YTHDC1: variants seen among roughly 807,000 people sequenced by gnomAD.
YTHDC1 encodes the protein YTH domain-containing protein 1.
Under a neutral mutation model 107.0 loss-of-function variants are expected in YTHDC1, and 12 were observed. The observed-to-expected ratio is 0.11, with a 90% CI of 0.07 to 0.18. The LOEUF is 0.18. Among genes scored for constraint, YTHDC1 ranks in the 10% least tolerant of loss-of-function variants. YTHDC1 has a pLI of 1.00. For missense variants in YTHDC1, 635 were observed against 898.8 expected (o/e 0.71, Z 3.75); for synonymous variants, 280 against 289.5 (o/e 0.97, Z 0.33).
In YTHDC1 at chr4:68,350,003, A is replaced by G. The variant is rs1400834826; in HGVS notation, c.-250T>C. The G allele has an allele frequency of 1.7e-6, 1 of 580,822 alleles. No individual in the cohort carries two copies. The highest frequency in any genetic ancestry group is 1.9e-5 in the African/African-American group (1 of 52,418). The allele number at this position is 580,822 out of a possible 1,614,324, so 36.0% of individuals were successfully genotyped here. ...GTTAGGGCTCAGACTCGGGCTAGGT[A>G]TGGGGGAGGGAAGGGAAACAGATGG... On this transcript the variant is annotated 5_prime_UTR_variant, in exon 1 of 17. Transcript: ENST00000344157.
In YTHDC1 at chr4:68,350,006, G is replaced by A. The variant is rs1397200770; in HGVS notation, c.-253C>T. On this transcript the variant is annotated 5_prime_UTR_variant, in exon 1 of 17. Transcript: ENST00000344157. ...AGGGCTCAGACTCGGGCTAGGTATG[G>A]GGGAGGGAAGGGAAACAGATGGCGA... 9 of 580,426 alleles carry A rather than the reference G, an allele frequency of 1.6e-5. No individual in the cohort carries two copies. The highest frequency in any genetic ancestry group is 3.1e-5 in the Admixed American group (1 of 32,250). 36.0% of individuals were successfully genotyped at this position (580,426 alleles called of 1,614,324 possible). A position where few individuals can be genotyped will look rare whatever the true frequency, so the allele number is the denominator to read the frequency against.
intron 10 of YTHDC1, 61 bp downstream of exon 10, chr4:68,324,078 A>T: frequency 1.4e-6 from 2 of 1,450,452 alleles, no homozygotes; most frequent in Non-Finnish European, 1.9e-6. Flanking sequence ...ATACATCAAT[A>T]AAGATCTCTA....
intron 11 of YTHDC1, 61 bp from the exon 12 acceptor site, chr4:68,320,266 G>T (rs946062533): frequency 6.3e-6 from 8 of 1,267,500 alleles, no homozygotes; most frequent in Non-Finnish European, 8.9e-6. Context: ...AAAGAGTAAA[G>T]CAAGAGTTTC....
At chr4:68,327,606 A>G (rs1723139149) in intron 9 of YTHDC1, among the ~76,000 whole-genome samples, 2 of 152,192 alleles carry the variant, frequency 1.3e-5, no homozygotes, top group South Asian at 2.1e-4. Flanking sequence ...AAGTCTAGTT[A>G]TTATTATATC....
Position 68,330,132 on chromosome 4 carries a change from TATC to T in YTHDC1, c.1232-16_1232-14del, listed in dbSNP as rs1215281241. On this transcript the variant is annotated splice_polypyrimidine_tract_variant and intron_variant, in intron 8 of 16. Transcript: ENST00000344157. ...AGTCTTGCAAACCCTAAGAGAATCATATCATAATATAATATGTAGATGCTAATA... is the reference window on the plus strand; with the variant it reads ...AGTCTTGCAAACCCTAAGAGAATCATATAATATAATATGTAGATGCTAATA... The T allele has an allele frequency of 8.7e-6, 14 of 1,600,748 alleles. 1 individual carries two copies. Among genetic ancestry groups the T allele is most frequent in the Non-Finnish European group, 1.1e-5 (13 of 1,169,356 alleles).
intron 1 of YTHDC1, among the ~76,000 whole-genome samples, chr4:68,348,220 A>G (rs1725663671): frequency 6.6e-6 from 1 of 152,198 alleles, no homozygotes. Context: ...CGACTTGTAA[A>G]TATTTTCATC....
intron 1 of YTHDC1, among the ~76,000 whole-genome samples, chr4:68,344,407 T>TG (rs1725189130): frequency 6.6e-6 from 1 of 152,182 alleles, no homozygotes. Flanking sequence ...TATAATACTT[T>TG]GGGAAAGAGG....
rs148548961 is a variant in YTHDC1, at chr4:68,315,302, T to G, written c.1960-979A>C. 2.0e-5 allele frequency among the ~76,000 whole-genome samples: 3 copies of G among 152,318 alleles called. No homozygotes were observed. The East Asian group carries it at 5.8e-4, about 29-fold the overall frequency. On this transcript the variant is annotated intron_variant, in intron 16 of 16. Coordinates refer to ENST00000344157, the MANE Select transcript of YTHDC1 (RefSeq NM_001031732.4). Reference sequence around the variant, plus strand: ...AGAATGTTAGAAGTCATGATAAGATTTGATTTAGAGAAAATTACTATCTTT... The same window carrying G: ...AGAATGTTAGAAGTCATGATAAGATGTGATTTAGAGAAAATTACTATCTTT...
chr4:68,331,058 G>A (rs1723525030), intron 7 of YTHDC1, among the ~76,000 whole-genome samples: 1 of 152,052 alleles, frequency 6.6e-6, no homozygotes, highest in Non-Finnish European at 1.5e-5. Context: ...GGATGCTCAA[G>A]TCCCTTATAT....
chr4:68,323,015 C>A (rs1265070143), intron 10 of YTHDC1, 100 bp from the exon 11 acceptor site: 1 of 1,161,992 alleles, frequency 8.6e-7, no homozygotes, highest in Admixed American at 2.4e-5. Flanking sequence ...TGGAAGCTTT[C>A]TTCCCAAGGC....
intron 1 of YTHDC1, among the ~76,000 whole-genome samples, chr4:68,342,881 T>C (rs1725000993): frequency 8.6e-6 from 1 of 116,956 alleles, no homozygotes; most frequent in Non-Finnish European, 1.8e-5. Flanking sequence ...TAATATCCAC[T>C]AGTTCTAGGT....
rs1722505463 is a variant in YTHDC1, at chr4:68,322,122, ATT to A, written c.1601+625_1601+626del. Among the ~76,000 whole-genome samples, 1 of 152,196 alleles carries A rather than the reference ATT, an allele frequency of 6.6e-6. No homozygotes were observed. Among genetic ancestry groups the A allele is most frequent in the Admixed American group, 6.5e-5 (1 of 15,284 alleles). ...ACTTGATCCCCTTTGGAAAGAACCT[ATT>A]GTTTTCAGAAGCTCAGCAAGATGTG... On this transcript the variant is annotated intron_variant, in intron 11 of 16. Transcript: ENST00000344157. This position sits in a 1 kb window ranked among gnomAD's most constrained non-coding sequence, Gnocchi z 4.8.
rs772306723 is a variant in YTHDC1, at chr4:68,330,189, T to C, written c.1231+13A>G. The C allele has an allele frequency of 1.8e-5, 29 of 1,581,096 alleles. No homozygotes were observed. Among genetic ancestry groups the C allele is most frequent in the Non-Finnish European group, 6.0e-6 (7 of 1,159,784 alleles). The stretch of plus-strand genomic sequence containing the variant: ...TTAATGTTTTTATATGTCCAAATTA[T>C]TTTTATTCTTACCTTGAAATTTTCC... On this transcript the variant is annotated intron_variant, in intron 8 of 16. Transcript: ENST00000344157.
At chr4:68,330,141 A>C in intron 8 of YTHDC1, 22 bp from the exon 9 acceptor site, 1 of 1,596,264 alleles carries the variant, frequency 6.3e-7, no homozygotes, top group Middle Eastern at 1.7e-4. Context: ...ATATCATAAT[A>C]TAATATGTAG....
intron 1 of YTHDC1, among the ~76,000 whole-genome samples, chr4:68,348,538 A>C (rs1414011773): frequency 2.0e-5 from 3 of 152,092 alleles, no homozygotes; most frequent in Admixed American, 6.5e-5. Flanking sequence ...TGGAACATTA[A>C]ACTGCTATAA....
intron 9 of YTHDC1, among the ~76,000 whole-genome samples, chr4:68,327,716 T>G (rs1723150451): frequency 6.6e-6 from 1 of 152,172 alleles, no homozygotes; most frequent in Admixed American, 6.5e-5. Flanking sequence ...ACCATTTCTA[T>G]TTATTAAATT....
chr4:68,327,229 T>C (rs1381246946), intron 9 of YTHDC1, among the ~76,000 whole-genome samples: 2 of 151,788 alleles, frequency 1.3e-5, no homozygotes, highest in Non-Finnish European at 2.9e-5. Flanking sequence ...AGAGCGAAAC[T>C]CCGTCTCAAA....
At chr4:68,315,608 TA>T in intron 16 of YTHDC1, among the ~76,000 whole-genome samples, 1 of 151,304 alleles carries the variant, frequency 6.6e-6, no homozygotes, top group South Asian at 2.1e-4. Flanking sequence ...GCTTTATAAA[TA>T]AAAGTACTAT....
rs1280870857 is a variant in YTHDC1 at position 68,350,042 on chromosome 4, C to A, written c.-289G>T. The A allele has an allele frequency of 1.1e-5, 6 of 542,566 alleles. No individual in the cohort carries two copies. Among genetic ancestry groups the A allele is most frequent in the Non-Finnish European group, 2.0e-5 (6 of 304,924 alleles). The allele number at this position is 542,566 out of a possible 1,614,324, so 33.6% of individuals were successfully genotyped here. ...GGAAACAGATGGCGACGGCGGGCGG[C>A]GCTAAAATGGAGCCTGCTTCCTGCG... On this transcript the variant is annotated 5_prime_UTR_variant, in exon 1 of 17. Transcript: ENST00000344157.
Sources: allele counts gnomAD v4.1 joint callset (sites outside exome capture counted in the v4.1 genomes callset), GRCh38; gene constraint gnomAD v4.1.1; non-coding constraint Gnocchi (gnomAD v3.1); transcripts MANE v1.5; gene names NCBI Gene and HGNC (gene_info 2026-07-23, HGNC 2026-07-21).